The following TBC1D8B variants were observed in gnomAD, a reference collection of about 807,000 sequenced individuals.
TBC1D8B encodes the protein TBC1 domain family member 8B.
Under a neutral mutation model 82.9 loss-of-function variants are expected in TBC1D8B, and 75 were observed. That is an observed-to-expected ratio of 0.90 (90% confidence interval 0.75 to 1.10). The LOEUF is 1.10. TBC1D8B is among the 50% of genes least tolerant of loss of function. TBC1D8B has a pLI of 0.00. For missense variants in TBC1D8B, 794 were observed against 796.9 expected (o/e 1.00, Z 0.04); for synonymous variants, 276 against 276.8 (o/e 1.00, Z 0.03).
intron 1 of TBC1D8B, among the ~76,000 whole-genome samples, chrX:106,805,372 G>A (rs1369995422): frequency 9.1e-6 from 1 of 109,888 alleles, no homozygotes; most frequent in Non-Finnish European, 1.9e-5. Flanking sequence ...TTAAAGGAAT[G>A]AGCCACCTCA....
chrX:106,830,247 A>G (rs1324512303), intron 7 of TBC1D8B, among the ~76,000 whole-genome samples: 3 of 111,938 alleles, frequency 2.7e-5, no homozygotes, highest in East Asian at 2.8e-4. Context: ...ACAATGAGAT[A>G]CCATCTCACA....
chrX:106,862,249 G>A (rs759966301), intron 14 of TBC1D8B, among the ~76,000 whole-genome samples: 6 of 111,442 alleles, frequency 5.4e-5, no homozygotes, highest in Non-Finnish European at 9.4e-5. Context: ...GTATCTTGCA[G>A]GGGTTCTCTG....
At chrX:106,804,590 A>C (rs1228696636) in intron 1 of TBC1D8B, among the ~76,000 whole-genome samples, 2 of 111,837 alleles carry the variant, frequency 1.8e-5, no homozygotes, top group African/African-American at 6.5e-5. Context: ...TCCATTGAGA[A>C]TAGTTCAGGA....
intron 2 of TBC1D8B, among the ~76,000 whole-genome samples, chrX:106,819,874 T>C (rs948676217): frequency 6.3e-5 from 7 of 110,911 alleles, no homozygotes; most frequent in African/African-American, 2.3e-4. Context: ...GATGCAGAAA[T>C]AGTGTAGTTA....
rs1932266186 is a variant in TBC1D8B, at chrX:106,840,087, T to C, written c.1393T>C (p.Phe465Leu). Residue 465 changes from phenylalanine to leucine, a missense_variant, in exon 9 of 21, where the codon TTT becomes CTT. Coordinates refer to ENST00000357242, the MANE Select transcript of TBC1D8B (RefSeq NM_017752.3). ...GAAGGAACAGTCATGGAAAATACTG[T>C]TTGCAGAATGTGGACGTGGTGTTAG... is the stretch of plus-strand genomic sequence containing the variant. ...KMKEQSWKIL[F>L]AECGRGVSMF... 1 of 1,209,351 alleles carries C rather than the reference T, an allele frequency of 8.3e-7. No homozygotes were observed. The highest frequency in any genetic ancestry group is 3.0e-5 in the East Asian group (1 of 33,735).
chrX:106,807,545 C>G (rs761014176), intron 1 of TBC1D8B, among the ~76,000 whole-genome samples: 2 of 98,219 alleles, frequency 2.0e-5, no homozygotes, highest in African/African-American at 7.8e-5. Context: ...AGATTTAATT[C>G]TAATGAAAGA....
At chrX:106,803,036 A>AGGTGG in intron 1 of TBC1D8B, 53 bp downstream of exon 1, 1 of 1,130,479 alleles carries the variant, frequency 8.8e-7, no homozygotes, top group Non-Finnish European at 1.2e-6. Flanking sequence ...GTTACTTAAA[A>AGGTGG]GGTGGTGAGG....
chrX:106,823,377 G>C lies in TBC1D8B; in HGVS notation c.738G>C (p.Gln246His), dbSNP rs761410195. Residue 246 changes from glutamine (Q) to histidine (H), a missense_variant, in exon 5 of 21, where the codon CAG (glutamine) becomes CAC (histidine). Physicochemically the swap from Gln to His is conservative, Grantham distance 24. Transcript: ENST00000357242. Reference sequence around the variant, plus strand: ...ACCAAACATACCTTCTTATGGAACAGCTGGCAAACTATGCCATTAGAAGAC... The same window carrying C: ...ACCAAACATACCTTCTTATGGAACACCTGGCAAACTATGCCATTAGAAGAC... Reference protein sequence around the residue: ...HINQTYLLMEQLANYAIRRLF... With the variant: ...HINQTYLLMEHLANYAIRRLF... 4.1e-6 allele frequency: 5 copies of C among 1,210,380 alleles called. No individual in the cohort carries two copies. Among genetic ancestry groups the C allele is most frequent in the Admixed American group, 2.2e-5 (1 of 45,918 alleles).
At chrX:106,815,614 T>C (rs746170637) in intron 1 of TBC1D8B, 2 of 110,312 alleles carry the variant, frequency 1.8e-5, no homozygotes, top group African/African-American at 6.7e-5. Flanking sequence ...GGGGATGGCA[T>C]TGAATCTATA....
chrX:106,825,017 T>G (rs1236197269), intron 5 of TBC1D8B, among the ~76,000 whole-genome samples: 2 of 111,758 alleles, frequency 1.8e-5, no homozygotes, highest in Non-Finnish European at 3.8e-5. Context: ...TCACACATTG[T>G]TCTACAATCT....
Position 106,840,693 on chromosome X carries a change from A to C in TBC1D8B, c.1528A>C (p.Asn510His). The change falls in exon 10 of 21, where the codon AAT becomes CAT. Residue 510 changes from asparagine (N) to histidine (H), a missense_variant. By Grantham distance (68) the Asn-to-His change is moderately conservative. Coordinates refer to ENST00000357242, the MANE Select transcript of TBC1D8B (RefSeq NM_017752.3). ...AGGTGCTGTTAATGACATGGCTACT[A>C]ATCCTGACTATTATACTGAAGTGGT... ...FSGAVNDMAT[N>H]PDYYTEVVEQ... 1 of 1,210,537 alleles carries C rather than the reference A, an allele frequency of 8.3e-7. No homozygotes were observed. Among genetic ancestry groups the C allele is most frequent in the Non-Finnish European group, 1.1e-6 (1 of 894,517 alleles).
chrX:106,871,652 G>A (rs1214257494), intron 20 of TBC1D8B, among the ~76,000 whole-genome samples: 2 of 111,488 alleles, frequency 1.8e-5, no homozygotes, highest in Non-Finnish European at 3.8e-5. Flanking sequence ...GATCCCACAG[G>A]TTGAGTGTTC....
At chrX:106,862,923 C>T (rs1215607244) in intron 14 of TBC1D8B, among the ~76,000 whole-genome samples, 2 of 109,096 alleles carry the variant, frequency 1.8e-5, no homozygotes, top group Admixed American at 2.0e-4. Context: ...TGTGCTACCT[C>T]TGCGGGGCTG....
At chrX:106,869,840 C>G (rs1416448761) in intron 19 of TBC1D8B, among the ~76,000 whole-genome samples, 1 of 111,925 alleles carries the variant, frequency 8.9e-6, no homozygotes, top group Middle Eastern at 4.2e-3. Flanking sequence ...CAGATCTATT[C>G]CTATGTATAC....
At position 106,823,341 on chromosome X, in the gene TBC1D8B, T is replaced by C; in HGVS notation, c.702T>C (p.Phe234=). 1.7e-6 allele frequency: 2 copies of C among 1,210,469 alleles called. No individual in the cohort carries two copies. Among genetic ancestry groups the C allele is most frequent in the East Asian group, 5.9e-5 (2 of 33,724 alleles). ...SQGENHYFSM[F]LHINQTYLLM... ...GAGAGAATCACTACTTTTCAATGTT[T>C]TTGCACATTAACCAAACATACCTTC... The change falls in exon 5 of 21, where the codon TTT becomes TTC. Residue 234 remains phenylalanine (F), a synonymous_variant. Coordinates refer to ENST00000357242, the MANE Select transcript of TBC1D8B (RefSeq NM_017752.3).
chrX:106,873,752 T>C lies in TBC1D8B; in HGVS notation c.3150T>C (p.Ser1050=). The C allele has an allele frequency of 8.3e-7, 1 of 1,211,876 alleles. No homozygotes were observed. Among genetic ancestry groups the C allele is most frequent in the Non-Finnish European group, 1.1e-6 (1 of 895,531 alleles). Residue 1050 remains serine (S), a synonymous_variant, in exon 21 of 21, where the codon TCT becomes TCC. Coordinates refer to ENST00000357242, the MANE Select transcript of TBC1D8B (RefSeq NM_017752.3). ...AKGFSGTVCG[S]GGPSEEKTGS... ...GATTCTCTGGTACTGTCTGTGGTTCTGGAGGACCCAGTGAGGAAAAAACAG... is the reference window on the plus strand; with the variant it reads ...GATTCTCTGGTACTGTCTGTGGTTCCGGAGGACCCAGTGAGGAAAAAACAG...
At chrX:106,804,876 G>A (rs1931137126) in intron 1 of TBC1D8B, among the ~76,000 whole-genome samples, 3 of 109,755 alleles carry the variant, frequency 2.7e-5, no homozygotes, top group African/African-American at 1.0e-4. Flanking sequence ...GCAACAGAGG[G>A]AGACTCTGTC....
intron 13 of TBC1D8B, 81 bp from the exon 14 acceptor site, chrX:106,854,117 C>A: frequency 1.4e-6 from 1 of 702,996 alleles, no homozygotes; most frequent in Non-Finnish European, 2.0e-6. Flanking sequence ...TCCAAGAATT[C>A]AGTCTGATAA....
chrX:106,810,764 A>C (rs1931344748), intron 1 of TBC1D8B, among the ~76,000 whole-genome samples: 1 of 112,036 alleles, frequency 8.9e-6, no homozygotes, highest in Non-Finnish European at 1.9e-5. Context: ...AGGGCAGATC[A>C]CACTGTGTGC....
Sources: gnomAD v4.1 joint callset for allele counts (sites outside exome capture counted in the v4.1 genomes callset) on GRCh38, gnomAD v4.1.1 for gene constraint, MANE v1.5 for transcripts, NCBI Gene and HGNC (gene_info 2026-07-23, HGNC 2026-07-21) for gene names.